RRP1B: variants seen among roughly 807,000 people sequenced by gnomAD.
The protein encoded by RRP1B is ribosomal RNA processing protein 1 homolog B.
A neutral mutation model predicts 80.2 loss-of-function variants in RRP1B; 56 were observed. The ratio of observed to expected loss-of-function variants is 0.70; its 90% confidence interval spans 0.56 to 0.87. The LOEUF is 0.87. Among genes scored for constraint, RRP1B ranks in the 40% least tolerant of loss-of-function variants. The probability of loss-of-function intolerance (pLI) is 0.00; values close to 1 mark genes in which losing one functional copy is unlikely to be tolerated. For synonymous variants in RRP1B, 351 were observed against 357.6 expected (o/e 0.98, Z 0.21); for missense variants, 807 against 939.8 (o/e 0.86, Z 1.85).
intron 1 of RRP1B, among the ~76,000 whole-genome samples, chr21:43,665,811 A>T (rs984543634): frequency 1.3e-5 from 2 of 152,196 alleles, no homozygotes; most frequent in Non-Finnish European, 2.9e-5. Flanking sequence ...GGTCCTCACC[A>T]GAAGCAGATG....
chr21:43,674,100 T>G (rs549209437), intron 4 of RRP1B, 145 bp downstream of exon 4: 2 of 619,532 alleles, frequency 3.2e-6, no homozygotes, highest in Admixed American at 3.0e-5. Flanking sequence ...CTGGAAAGCT[T>G]CTCTGTTTTG....
chr21:43,661,388 C>G (rs958826961), intron 1 of RRP1B, among the ~76,000 whole-genome samples: 13 of 152,162 alleles, frequency 8.5e-5, no homozygotes, highest in African/African-American at 3.1e-4. Flanking sequence ...TCCACTGCCA[C>G]CTGTTTTCTT....
chr21:43,687,981 GCCTGTC>G lies in RRP1B; in HGVS notation c.1609_1614del (p.Leu537_Ser538del). The G allele has an allele frequency of 6.2e-7, 1 of 1,613,034 alleles. No homozygotes were observed. The highest frequency in any genetic ancestry group is 8.5e-7 in the Non-Finnish European group (1 of 1,179,950). On this transcript the variant is annotated inframe_deletion, in exon 13 of 16. Coordinates refer to ENST00000340648, the MANE Select transcript of RRP1B (RefSeq NM_015056.3). ...GGAGTTGTGCCCGTCAATGGCAGTG[GCCTGTC>G]CACGCCGGCCTGGCCTCCATTGCAG... is the stretch of plus-strand genomic sequence containing the variant.
intron 1 of RRP1B, among the ~76,000 whole-genome samples, chr21:43,665,172 T>C (rs150350642): frequency 7.4e-4 from 112 of 152,352 alleles, no homozygotes; most frequent in African/African-American, 2.6e-3. Flanking sequence ...ACATTATCAC[T>C]TACTGTTGGC....
chr21:43,683,973 A>AG (rs1491392206), intron 9 of RRP1B, among the ~76,000 whole-genome samples: 1 of 15,932 alleles, frequency 6.3e-5, no homozygotes, highest in Admixed American at 1.0e-3. Flanking sequence ...ACTCTGGCTC[A>AG]AAAAAAAAAA....
chr21:43,684,430 C>T (rs945077531), intron 9 of RRP1B, 123 bp from the exon 10 acceptor site: 2 of 805,416 alleles, frequency 2.5e-6, no homozygotes, highest in Non-Finnish European at 4.2e-6. Context: ...CCAGCACAAG[C>T]TTGTTTAGCC....
In RRP1B at chr21:43,684,545, C is replaced by T; in HGVS notation, c.892-8C>T. 1 of 1,613,230 alleles carries T rather than the reference C, an allele frequency of 6.2e-7. No homozygotes were observed. ...GCAGACTTATGTTTAGTTTCTCTTC[C>T]TGCCTAGTTTGACTATAAGGCTGTT... On this transcript the variant is annotated splice_polypyrimidine_tract_variant and splice_region_variant and intron_variant, in intron 9 of 15. Transcript: ENST00000340648.
At position 43,695,297 on chromosome 21, in the gene RRP1B, C is replaced by T. The variant is rs537862972; in HGVS notation, c.*1914C>T. On this transcript the variant is annotated 3_prime_UTR_variant, in exon 16 of 16. Transcript: ENST00000340648. ...CCAACATTGTTGAGATGTCTTAGGA[C>T]ATCTAAGGCAAAACTGGCACATTTG... The T allele has an allele frequency of 7.2e-5, 11 of 152,144 alleles. No individual in the cohort carries two copies. In the South Asian group the frequency reaches 2.3e-3, roughly 32 times the overall value. 9.4% of individuals were successfully genotyped at this position (152,144 alleles called of 1,614,324 possible).
chr21:43,689,778 GTCGGCAGCGGCAC>G (rs1404861682), intron 13 of RRP1B, among the ~76,000 whole-genome samples: 1 of 152,254 alleles, frequency 6.6e-6, no homozygotes, highest in East Asian at 1.9e-4. Flanking sequence ...CCACCCGTGT[GTCGGCAGCGGCAC>G]TGGGCTGCCC....
At position 43,676,797 on chromosome 21, in the gene RRP1B, G is replaced by A. The variant is rs1568957405; in HGVS notation, c.679G>A (p.Val227Met). 1.2e-6 allele frequency: 2 copies of A among 1,614,240 alleles called. No individual in the cohort carries two copies. Among genetic ancestry groups the A allele is most frequent in the Admixed American group, 3.3e-5 (2 of 60,028 alleles). The change falls in exon 8 of 16, where the codon GTG becomes ATG. Residue 227 changes from valine (V) to methionine (M), a missense_variant. Physicochemically the swap from Val to Met is conservative, Grantham distance 21 (BLOSUM62 1). Transcript: ENST00000340648. ...AGCTATCGTAGATCAGTCTCCTTTT[G>A]TGCCTGAAGAGACGATGGAGGAACA... ...FEAIVDQSPF[V>M]PEETMEEQKT...
At chr21:43,684,984 T>C (rs2083057547) in intron 10 of RRP1B, among the ~76,000 whole-genome samples, 1 of 152,134 alleles carries the variant, frequency 6.6e-6, no homozygotes. Flanking sequence ...CTGAGATAGA[T>C]AGGGTTAATT....
At chr21:43,689,399 G>C (rs1055123731) in intron 13 of RRP1B, among the ~76,000 whole-genome samples, 1 of 152,190 alleles carries the variant, frequency 6.6e-6, no homozygotes, top group African/African-American at 2.4e-5. Flanking sequence ...TCTGCAAGTG[G>C]CTAGTGAGTG....
Position 43,669,908 on chromosome 21 carries a change from T to C in RRP1B, c.155T>C (p.Leu52Pro), listed in dbSNP as rs750545605. 3.1e-6 allele frequency: 5 copies of C among 1,613,112 alleles called. No homozygotes were observed. Among genetic ancestry groups the C allele is most frequent in the Non-Finnish European group, 3.4e-6 (4 of 1,179,196 alleles). ...ETGGFSQEEL[L>P]KIWKGLFYCM... Reference sequence around the variant, plus strand: ...GGAGGTTTCAGTCAGGAAGAACTTCTGAAAATCTGGAAGGGGCTCTTCTAC... The same window carrying C: ...GGAGGTTTCAGTCAGGAAGAACTTCCGAAAATCTGGAAGGGGCTCTTCTAC... Residue 52 changes from leucine (L) to proline (P), a missense_variant, in exon 2 of 16, where the codon CTG (leucine) becomes CCG (proline). Physicochemically the swap from Leu to Pro is moderately conservative, Grantham distance 98 (BLOSUM62 -3). Transcript: ENST00000340648.
At chr21:43,677,653 T>G (rs2083027952) in intron 8 of RRP1B, among the ~76,000 whole-genome samples, 1 of 152,196 alleles carries the variant, frequency 6.6e-6, no homozygotes, top group Admixed American at 6.5e-5. Context: ...GGAGTCTGAT[T>G]TGTTGTTTGG....
At chr21:43,679,026 C>G (rs1254937768) in intron 8 of RRP1B, among the ~76,000 whole-genome samples, 1 of 152,050 alleles carries the variant, frequency 6.6e-6, no homozygotes, top group Non-Finnish European at 1.5e-5. Flanking sequence ...TTCCCCACTT[C>G]GTTTTTGTTT....
At chr21:43,689,000 G>A (rs1363706098) in intron 13 of RRP1B, among the ~76,000 whole-genome samples, 1 of 152,256 alleles carries the variant, frequency 6.6e-6, no homozygotes, top group Non-Finnish European at 1.5e-5. Context: ...TTGTTGCCCA[G>A]GCTGGGCTCA....
intron 8 of RRP1B, among the ~76,000 whole-genome samples, chr21:43,683,022 G>A (rs547840802): frequency 3.3e-5 from 5 of 152,174 alleles, no homozygotes; most frequent in African/African-American, 7.2e-5. Flanking sequence ...ACAGGCACCC[G>A]CAACCACGCC....
At chr21:43,677,854 C>G (rs560311027) in intron 8 of RRP1B, among the ~76,000 whole-genome samples, 2 of 152,304 alleles carry the variant, frequency 1.3e-5, no homozygotes, top group South Asian at 4.1e-4. Flanking sequence ...CTTTTTATGG[C>G]TGAGTAGTAT....
At chr21:43,670,322 GT>G (rs2082994593) in intron 2 of RRP1B, among the ~76,000 whole-genome samples, 1 of 152,224 alleles carries the variant, frequency 6.6e-6, no homozygotes, top group Non-Finnish European at 1.5e-5. Flanking sequence ...TCAAGACCCT[GT>G]GAAACCCAGG....
Sources: gnomAD v4.1 joint callset for allele counts (sites outside exome capture counted in the v4.1 genomes callset) on GRCh38, gnomAD v4.1.1 for gene constraint, MANE v1.5 for transcripts, NCBI Gene and HGNC (gene_info 2026-07-23, HGNC 2026-07-21) for gene names.